The following RETREG1 variants were observed in gnomAD, a reference collection of about 807,000 sequenced individuals.
RETREG1 encodes reticulophagy regulator 1, also known as family with sequence similarity 134 member B.
Under a neutral mutation model 54.8 loss-of-function variants are expected in RETREG1, and 44 were observed. That is an observed-to-expected ratio of 0.80 (90% CI 0.63 to 1.03). The LOEUF (loss-of-function observed/expected upper bound fraction) is 1.03, where lower values mean the gene tolerates loss of function less well. RETREG1 is among the 50% of genes least tolerant of loss of function. The pLI is 0.00. For missense variants in RETREG1, 554 were observed against 605.1 expected (o/e 0.92, Z 0.89); for synonymous variants, 217 against 238.5 (o/e 0.91, Z 0.83).
At chr5:16,608,487 C>T (rs563285063) in intron 1 of RETREG1, among the ~76,000 whole-genome samples, 4 of 152,324 alleles carry the variant, frequency 2.6e-5, no homozygotes, top group African/African-American at 9.6e-5. Context: ...ATAAATCTCA[C>T]AAGACTTTCA....
chr5:16,498,315 C>T (rs1455271590), intron 3 of RETREG1, among the ~76,000 whole-genome samples: 1 of 152,198 alleles, frequency 6.6e-6, no homozygotes, highest in Non-Finnish European at 1.5e-5. Flanking sequence ...CAAACCTGTA[C>T]AGCACTCTAC....
chr5:16,499,504 A>T (rs1739613679), intron 3 of RETREG1, among the ~76,000 whole-genome samples: 2 of 152,250 alleles, frequency 1.3e-5, no homozygotes, highest in South Asian at 2.1e-4. Flanking sequence ...TCATTTTAAG[A>T]TTCTGCACCA....
intron 3 of RETREG1, among the ~76,000 whole-genome samples, chr5:16,506,910 T>C (rs950933625): frequency 1.3e-5 from 2 of 152,180 alleles, no homozygotes; most frequent in Non-Finnish European, 2.9e-5. Context: ...GAGTCTCTCA[T>C]TTTCAATCCA....
At chr5:16,578,435 T>C (rs748066889) in intron 1 of RETREG1, among the ~76,000 whole-genome samples, 5 of 152,192 alleles carry the variant, frequency 3.3e-5, no homozygotes, top group South Asian at 2.1e-4. Flanking sequence ...TAAAAAGTAA[T>C]TGAACAAAAT....
At chr5:16,476,399 T>C (rs1738538806) in intron 8 of RETREG1, among the ~76,000 whole-genome samples, 1 of 152,194 alleles carries the variant, frequency 6.6e-6, no homozygotes, top group East Asian at 1.9e-4. Context: ...CCAGTGAGAC[T>C]AACAAAAGTT....
At chr5:16,495,648 A>C (rs1739422711) in intron 3 of RETREG1, among the ~76,000 whole-genome samples, 2 of 152,124 alleles carry the variant, frequency 1.3e-5, no homozygotes, top group African/African-American at 4.8e-5. Context: ...AAAAATACAA[A>C]AAATTGGCCA....
intron 8 of RETREG1, 67 bp from the exon 9 acceptor site, chr5:16,475,301 A>G (rs1738489833): frequency 1.3e-6 from 2 of 1,565,686 alleles, no homozygotes; most frequent in Non-Finnish European, 1.7e-6. Flanking sequence ...AGTGCTGTCT[A>G]AAGATATCTG....
chr5:16,595,908 A>G (rs1166265381), intron 1 of RETREG1, among the ~76,000 whole-genome samples: 1 of 152,208 alleles, frequency 6.6e-6, no homozygotes, highest in Non-Finnish European at 1.5e-5. Flanking sequence ...AATACAGTAA[A>G]GTTCCCACAC....
At chr5:16,556,683 T>C (rs1420042010) in intron 3 of RETREG1, among the ~76,000 whole-genome samples, 1 of 152,194 alleles carries the variant, frequency 6.6e-6, no homozygotes, top group Admixed American at 6.5e-5. Context: ...CCTAAAATCC[T>C]GGATCCCCTA....
At chr5:16,486,633 G>A (rs1030875101) in intron 3 of RETREG1, among the ~76,000 whole-genome samples, 4 of 152,194 alleles carry the variant, frequency 2.6e-5, no homozygotes, top group Non-Finnish European at 5.9e-5. Flanking sequence ...ATACAGTTCT[G>A]ATCCTTTAAA....
intron 4 of RETREG1, chr5:16,483,105 T>G: frequency 3.3e-5 from 16 of 481,400 alleles, no homozygotes; most frequent in Non-Finnish European, 3.7e-5. Flanking sequence ...TTTTAGCTAA[T>G]GAGCTAGATA....
chr5:16,579,784 A>G (rs571298143), intron 1 of RETREG1, among the ~76,000 whole-genome samples: 2 of 152,316 alleles, frequency 1.3e-5, no homozygotes, highest in South Asian at 4.1e-4. Context: ...TTGTGGCGTG[A>G]TAGTACATTC....
chr5:16,492,820 G>C (rs956479482), intron 3 of RETREG1, among the ~76,000 whole-genome samples: 1 of 152,122 alleles, frequency 6.6e-6, no homozygotes, highest in African/African-American at 2.4e-5. Context: ...ATATTTCTCT[G>C]CATGAGCACT....
intron 3 of RETREG1, among the ~76,000 whole-genome samples, chr5:16,527,175 C>T (rs954226271): frequency 4.6e-5 from 7 of 152,278 alleles, no homozygotes; most frequent in African/African-American, 1.7e-4. Flanking sequence ...CCTGGAAAAC[C>T]TTAGAGATGG....
intron 3 of RETREG1, among the ~76,000 whole-genome samples, chr5:16,559,069 G>C (rs1333381608): frequency 6.6e-6 from 1 of 152,082 alleles, no homozygotes; most frequent in East Asian, 1.9e-4. Flanking sequence ...GAACACCAAG[G>C]ACTTGGGTTT....
At position 16,534,404 on chromosome 5, in the gene RETREG1, C is replaced by CT. The variant is rs548584649; in HGVS notation, c.458+31358dup. Among the ~76,000 whole-genome samples the CT allele has an allele frequency of 1.6e-4, 25 of 152,338 alleles. No homozygotes were observed. In the East Asian group the frequency reaches 4.8e-3, roughly 29 times the overall value. Reference sequence around the variant, plus strand: ...AGATGCAAGGTACCCATCCCACTGCCTGGAGCAGTGTGTACCAGCCAGACA... The same window carrying CT: ...AGATGCAAGGTACCCATCCCACTGCCTTGGAGCAGTGTGTACCAGCCAGACA... On this transcript the variant is annotated intron_variant, in intron 3 of 8. Coordinates refer to ENST00000306320, the MANE Select transcript of RETREG1 (RefSeq NM_001034850.3).
At chr5:16,530,799 G>A (rs1310231885) in intron 3 of RETREG1, among the ~76,000 whole-genome samples, 1 of 152,084 alleles carries the variant, frequency 6.6e-6, no homozygotes, top group Non-Finnish European at 1.5e-5. Flanking sequence ...CCTGAACCCA[G>A]GAGGCGGAGG....
At chr5:16,527,835 A>G (rs1278694927) in intron 3 of RETREG1, among the ~76,000 whole-genome samples, 1 of 47,242 alleles carries the variant, frequency 2.1e-5, no homozygotes, top group Non-Finnish European at 4.3e-5. Flanking sequence ...TTTGAGATGC[A>G]GTCTCGCTCC....
chr5:16,522,962 C>A (rs758309318), intron 3 of RETREG1, among the ~76,000 whole-genome samples: 1 of 151,344 alleles, frequency 6.6e-6, no homozygotes, highest in African/African-American at 2.4e-5. Flanking sequence ...GCTGTGACTG[C>A]GCCACTACAC....
Sources: gnomAD v4.1 joint callset for allele counts (sites outside exome capture counted in the v4.1 genomes callset) on GRCh38, gnomAD v4.1.1 for gene constraint, MANE v1.5 for transcripts, NCBI Gene and HGNC (gene_info 2026-07-23, HGNC 2026-07-21) for gene names.